CRYBG1: variants seen among roughly 807,000 people sequenced by gnomAD.
The protein encoded by CRYBG1 is beta/gamma crystallin domain-containing protein 1.
In CRYBG1, 139 loss-of-function variants were observed where a neutral mutation model predicts 189.2. That is an observed-to-expected ratio of 0.73 (90% CI 0.64 to 0.85). CRYBG1 has a LOEUF of 0.85. CRYBG1 is among the 40% of genes least tolerant of loss of function. The probability of loss-of-function intolerance (pLI) is 0.00; values close to 1 mark genes in which losing one functional copy is unlikely to be tolerated. For synonymous variants in CRYBG1, 1,023 were observed against 1,017.1 expected (o/e 1.01, Z -0.11); for missense variants, 2,611 against 2,675.8 (o/e 0.98, Z 0.53).
At chr6:106,511,000 G>A (rs1293310604) in intron 2 of CRYBG1, among the ~76,000 whole-genome samples, 2 of 152,156 alleles carry the variant, frequency 1.3e-5, no homozygotes, top group Non-Finnish European at 2.9e-5. Context: ...AAGAATGGGC[G>A]GTGTTTCGGG....
In CRYBG1 at chr6:106,541,440, A is replaced by T. The variant is rs540295438; in HGVS notation, c.4846-146A>T. 6.1e-5 allele frequency: 48 copies of T among 788,080 alleles called. No homozygotes were observed. The African/African-American group carries it at 7.3e-4, about 12-fold the overall frequency. The allele number at this position is 788,080 out of a possible 1,614,324, so 48.8% of individuals were successfully genotyped here. On this transcript the variant is annotated intron_variant, in intron 9 of 21. Coordinates refer to ENST00000633556, the MANE Select transcript of CRYBG1 (RefSeq NM_001371242.2). ...TCGTGTCTTCATCTGTATTGTTGGT[A>T]ATTTTAGAACTATCTCACGTAAGTT...
rs56693349 is a variant in CRYBG1, at chr6:106,370,242, G to A, written c.173+9161G>A. On this transcript the variant is annotated intron_variant, in intron 1 of 21. Coordinates refer to ENST00000633556, the MANE Select transcript of CRYBG1 (RefSeq NM_001371242.2). ...GTATCATGTGTAGATTCTGAGTTTG[G>A]GGCTTCTGCCCAAGCTGTGTCAGAA... 9.0e-3 allele frequency among the ~76,000 whole-genome samples: 1,373 copies of A among 152,012 alleles called. 20 individuals carry two copies. The highest frequency in any genetic ancestry group is 0.031 in the African/African-American group (1,297 of 41,450).
intron 2 of CRYBG1, among the ~76,000 whole-genome samples, chr6:106,494,503 G>T (rs1419837323): frequency 1.3e-5 from 2 of 152,116 alleles, no homozygotes; most frequent in Non-Finnish European, 2.9e-5. Flanking sequence ...AGTACTGGTG[G>T]TCATGATGAA....
intron 2 of CRYBG1, among the ~76,000 whole-genome samples, chr6:106,454,158 T>G (rs1771839416): frequency 6.6e-6 from 1 of 152,118 alleles, no homozygotes; most frequent in Non-Finnish European, 1.5e-5. Flanking sequence ...CCTTCTCCCC[T>G]CTCTCTTTTC....
chr6:106,432,355 T>G (rs1440320907), intron 1 of CRYBG1, among the ~76,000 whole-genome samples: 1 of 152,226 alleles, frequency 6.6e-6, no homozygotes, highest in African/African-American at 2.4e-5. Context: ...TTATATAGTT[T>G]GAAGAAAACC....
At chr6:106,424,219 C>A (rs1219108832) in intron 1 of CRYBG1, among the ~76,000 whole-genome samples, 1 of 152,100 alleles carries the variant, frequency 6.6e-6, no homozygotes, top group African/African-American at 2.4e-5. Flanking sequence ...GTACAAAACA[C>A]AATAAAATGT....
chr6:106,558,263 A>G (rs570927532), intron 17 of CRYBG1, among the ~76,000 whole-genome samples: 3 of 150,834 alleles, frequency 2.0e-5, no homozygotes, highest in Non-Finnish European at 4.4e-5. Context: ...CAAACTATTT[A>G]TATTTACCTG....
At chr6:106,530,627 T>G (rs1773857365) in intron 8 of CRYBG1, among the ~76,000 whole-genome samples, 1 of 152,032 alleles carries the variant, frequency 6.6e-6, no homozygotes, top group South Asian at 2.1e-4. Context: ...TTCATGGTGA[T>G]TCAGAGGAGG....
intron 2 of CRYBG1, among the ~76,000 whole-genome samples, chr6:106,460,589 C>T (rs964526923): frequency 6.6e-6 from 1 of 151,888 alleles, no homozygotes; most frequent in African/African-American, 2.4e-5. Flanking sequence ...AATGAGAAAC[C>T]CAGAACGCTG....
rs543998253 is a variant in CRYBG1 at position 106,440,078 on chromosome 6, A to G, written c.174-11616A>G. ...GCCTGGCAGTCCCAGCACCCAGCCC[A>G]GGGAAGACGTGGGGCTGGTGGCTTT... On this transcript the variant is annotated intron_variant, in intron 1 of 21. Transcript: ENST00000633556. 2.0e-5 allele frequency among the ~76,000 whole-genome samples: 3 copies of G among 152,320 alleles called. No homozygotes were observed. In the East Asian group the frequency reaches 5.8e-4, roughly 29 times the overall value.
rs1775026134 is a variant in CRYBG1, at chr6:106,570,411, T to C, written c.*1845T>C. The C allele has an allele frequency of 6.6e-6, 1 of 152,256 alleles. No individual in the cohort carries two copies. The highest frequency in any genetic ancestry group is 1.5e-5 in the Non-Finnish European group (1 of 68,050). The allele number at this position is 152,256 out of a possible 1,614,324, so 9.4% of individuals were successfully genotyped here. A position where few individuals can be genotyped will look rare whatever the true frequency, so the allele number is the denominator to read the frequency against. Reference sequence around the variant, plus strand: ...TAAGACATTCTACAGTAGCCTGTGCTGAACTGATCTCTTAAATAAACTTGC... The same window carrying C: ...TAAGACATTCTACAGTAGCCTGTGCCGAACTGATCTCTTAAATAAACTTGC... On this transcript the variant is annotated 3_prime_UTR_variant, in exon 22 of 22. Coordinates refer to ENST00000633556, the MANE Select transcript of CRYBG1 (RefSeq NM_001371242.2).
intron 1 of CRYBG1, among the ~76,000 whole-genome samples, chr6:106,415,110 T>C (rs1428271987): frequency 6.6e-6 from 1 of 152,208 alleles, no homozygotes; most frequent in African/African-American, 2.4e-5. Context: ...CACTTGTGGT[T>C]GTCATTAATA....
chr6:106,431,321 T>G (rs1254281872), intron 1 of CRYBG1, among the ~76,000 whole-genome samples: 2 of 152,230 alleles, frequency 1.3e-5, no homozygotes, highest in Admixed American at 1.3e-4. Flanking sequence ...AGCTGGACAC[T>G]TTAATCTTTC....
At chr6:106,461,854 A>G (rs1262011383) in intron 2 of CRYBG1, among the ~76,000 whole-genome samples, 1 of 152,180 alleles carries the variant, frequency 6.6e-6, no homozygotes, top group African/African-American at 2.4e-5. Flanking sequence ...TAATCGCAGC[A>G]GGAACATTGA....
chr6:106,421,382 G>A (rs1457707197), intron 1 of CRYBG1, among the ~76,000 whole-genome samples: 1 of 152,186 alleles, frequency 6.6e-6, no homozygotes, highest in African/African-American at 2.4e-5. Context: ...CCATGCCCTT[G>A]ACAGAACTTC....
chr6:106,534,531 A>G (rs1047220469), intron 8 of CRYBG1, among the ~76,000 whole-genome samples: 1 of 152,174 alleles, frequency 6.6e-6, no homozygotes, highest in Non-Finnish European at 1.5e-5. Context: ...GTTCCCCTGA[A>G]CTGGGATAAG....
intron 1 of CRYBG1, among the ~76,000 whole-genome samples, chr6:106,397,217 G>T (rs77619752): frequency 6.6e-6 from 1 of 152,068 alleles, no homozygotes; most frequent in Non-Finnish European, 1.5e-5. Context: ...AATGATTACC[G>T]CAATCAAACA....
chr6:106,440,541 A>G (rs556427887), intron 1 of CRYBG1, among the ~76,000 whole-genome samples: 2 of 152,330 alleles, frequency 1.3e-5, no homozygotes, highest in East Asian at 1.9e-4. Context: ...TGCTGGGATT[A>G]CAGGTGTGAG....
chr6:106,395,686 G>A (rs1351457100), intron 1 of CRYBG1, among the ~76,000 whole-genome samples: 1 of 152,032 alleles, frequency 6.6e-6, no homozygotes, highest in African/African-American at 2.4e-5. Flanking sequence ...GCTTCCTTAA[G>A]TGGTGATTTT....
Sources: allele counts gnomAD v4.1 joint callset (sites outside exome capture counted in the v4.1 genomes callset), GRCh38; gene constraint gnomAD v4.1.1; transcripts MANE v1.5; gene names NCBI Gene and HGNC (gene_info 2026-07-23, HGNC 2026-07-21).